EHMT2: variants seen among roughly 807,000 people sequenced by gnomAD.
EHMT2 encodes histone-lysine N-methyltransferase EHMT2.
Under a neutral mutation model 143.3 loss-of-function variants are expected in EHMT2, and 59 were observed. The ratio of observed to expected loss-of-function variants is 0.41; its 90% CI spans 0.33 to 0.51. EHMT2 has a LOEUF of 0.51. EHMT2 is among the 20% of genes least tolerant of loss of function. The pLI is 0.18. For missense variants in EHMT2, 1,174 were observed against 1,645.9 expected (o/e 0.71, Z 4.96); for synonymous variants, 604 against 651.5 (o/e 0.93, Z 1.11).
rs1581898192 is a variant in EHMT2 at position 31,884,665 on chromosome 6, C to T, written c.2583G>A (p.Glu861=). ...CTCACAGCACGCAGTCATGGTAGCTCTCCCGAGCTGCGATGTGCAGGGGGG... is the reference window on the plus strand; with the variant it reads ...CTCACAGCACGCAGTCATGGTAGCTTTCCCGAGCTGCGATGTGCAGGGGGG... The change falls in exon 20 of 28, where the codon GAG becomes GAA. Residue 861 remains glutamate, a synonymous_variant. Transcript: ENST00000375537. The surrounding 1 kb of genome is among the most constrained non-coding windows in gnomAD (Gnocchi z 7.3). The T allele has an allele frequency of 6.3e-7, 1 of 1,581,584 alleles. No homozygotes were observed. The highest frequency in any genetic ancestry group is 1.3e-5 in the African/African-American group (1 of 74,500).
At chr6:31,882,601 T>C in intron 25 of EHMT2, 98 bp downstream of exon 25, 1 of 1,193,660 alleles carries the variant, frequency 8.4e-7, no homozygotes, top group Non-Finnish European at 1.2e-6. Context: ...TGGAGACATG[T>C]GACTCATCAG....
At chr6:31,886,816 C>A (rs1163841562) in exon 17 of EHMT2, 1 of 1,614,268 alleles carries the variant, frequency 6.2e-7, no homozygotes, top group Non-Finnish European at 8.5e-7. Flanking sequence ...ATGTAACGGG[C>A]TACCTCCAGG....
chr6:31,892,873 T>C, exon 5 of EHMT2: 1 of 1,595,258 alleles, frequency 6.3e-7, no homozygotes, highest in Non-Finnish European at 8.5e-7. Flanking sequence ...CATGCGGAAA[T>C]GCTGTATTTC....
At chr6:31,890,032 G>A (rs1032586597) in intron 7 of EHMT2, among the ~76,000 whole-genome samples, 5 of 152,158 alleles carry the variant, frequency 3.3e-5, no homozygotes, top group Admixed American at 2.6e-4. Flanking sequence ...AAAATGACCA[G>A]ATTAGATGTT....
Position 31,889,606 on chromosome 6 carries a change from G to A in EHMT2, c.865-4C>T. On this transcript the variant is annotated splice_polypyrimidine_tract_variant and splice_region_variant and intron_variant, in intron 7 of 27. Coordinates refer to ENST00000375537, the Ensembl canonical transcript of EHMT2. This position sits in a 1 kb window ranked among gnomAD's most constrained non-coding sequence, Gnocchi z 5.1. ...CAGTTAGAGCTTCAACTTCAGACTG[G>A]GAGAGAGGCAGAACAGACATATCCA... 1 of 1,609,910 alleles carries A rather than the reference G, an allele frequency of 6.2e-7. No individual in the cohort carries two copies. The highest frequency in any genetic ancestry group is 8.5e-7 in the Non-Finnish European group (1 of 1,179,986).
chr6:31,880,881 C>T lies in EHMT2; in HGVS notation c.3277-33G>A. The T allele has an allele frequency of 6.2e-7, 1 of 1,611,926 alleles. No homozygotes were observed. The highest frequency in any genetic ancestry group is 8.5e-7 in the Non-Finnish European group (1 of 1,178,842). On this transcript the variant is annotated intron_variant, in intron 26 of 27. Transcript: ENST00000375537. The surrounding 1 kb of genome is among the most constrained non-coding windows in gnomAD (Gnocchi z 6.6). ...AGGGGGATGGCACTCTTCACATCTCCCCCGACCCTGCTTGCCCTCCCCACC... is the reference window on the plus strand; with the variant it reads ...AGGGGGATGGCACTCTTCACATCTCTCCCGACCCTGCTTGCCCTCCCCACC...
chr6:31,880,391 G>C lies in EHMT2; in HGVS notation c.3453-127C>G. ...AACCTATCTTCTCCAGATGGGATCTGAGCCCCTTGTATGTTCTATGGACTT... is the reference window on the plus strand; with the variant it reads ...AACCTATCTTCTCCAGATGGGATCTCAGCCCCTTGTATGTTCTATGGACTT... On this transcript the variant is annotated intron_variant, in intron 27 of 27. Coordinates refer to ENST00000375537, the Ensembl canonical transcript of EHMT2. This position sits in a 1 kb window ranked among gnomAD's most constrained non-coding sequence, Gnocchi z 6.6. The C allele has an allele frequency of 3.6e-6, 4 of 1,112,730 alleles. No individual in the cohort carries two copies. The highest frequency in any genetic ancestry group is 5.1e-6 in the Non-Finnish European group (4 of 788,818). 68.9% of individuals were successfully genotyped at this position (1,112,730 alleles called of 1,614,324 possible). A position where few individuals can be genotyped will look rare whatever the true frequency, so the allele number is the denominator to read the frequency against.
Position 31,884,274 on chromosome 6 carries a change from GGGGATTCAGT to G in EHMT2, c.2771+108_2771+117del. On this transcript the variant is annotated intron_variant, in intron 21 of 27. Coordinates refer to ENST00000375537, the Ensembl canonical transcript of EHMT2. The surrounding 1 kb of genome is among the most constrained non-coding windows in gnomAD (Gnocchi z 7.3). ...GGGGAGGGGGCCTGTGGGTGGTTCT[GGGGATTCAGT>G]GGTGCATGGGGAGGGGTTGGGGAAT... The G allele has an allele frequency of 8.0e-7, 1 of 1,251,920 alleles. No homozygotes were observed. Among genetic ancestry groups the G allele is most frequent in the Non-Finnish European group, 1.1e-6 (1 of 913,802 alleles). 77.6% of individuals were successfully genotyped at this position (1,251,920 alleles called of 1,614,324 possible).
rs113623382 is a variant in EHMT2, at chr6:31,884,291, T to G, written c.2771+101A>C. 8.8e-6 allele frequency: 11 copies of G among 1,257,062 alleles called. No individual in the cohort carries two copies. Among genetic ancestry groups the G allele is most frequent in the African/African-American group, 2.0e-5 (1 of 49,756 alleles). The allele number at this position is 1,257,062 out of a possible 1,614,324, so 77.9% of individuals were successfully genotyped here. A position where few individuals can be genotyped will look rare whatever the true frequency, so the allele number is the denominator to read the frequency against. On this transcript the variant is annotated intron_variant, in intron 21 of 27. Coordinates refer to ENST00000375537, the Ensembl canonical transcript of EHMT2. The surrounding 1 kb of genome is among the most constrained non-coding windows in gnomAD (Gnocchi z 7.3). ...GTGGTTCTGGGGATTCAGTGGTGCA[T>G]GGGGAGGGGTTGGGGAATGTTGTGA...
chr6:31,883,928 T>C lies in EHMT2; in HGVS notation c.2794A>G (p.Asn932Asp). The change falls in exon 22 of 28, where the codon AAC becomes GAC. Residue 932 changes from asparagine to aspartate, a missense_variant. Physicochemically the swap from Asn to Asp is conservative, Grantham distance 23 (BLOSUM62 1). Coordinates refer to ENST00000375537, the Ensembl canonical transcript of EHMT2. The surrounding 1 kb of genome is among the most constrained non-coding windows in gnomAD (Gnocchi z 5.6). Reference sequence around the variant, plus strand: ...CCGTTGACACAGGGAATGGGCACGTTCTCATAGCCCCGAGCCACGTCCCTG... The same window carrying C: ...CCGTTGACACAGGGAATGGGCACGTCCTCATAGCCCCGAGCCACGTCCCTG... 1.2e-6 allele frequency: 2 copies of C among 1,613,672 alleles called. 1 individual carries two copies. Among genetic ancestry groups the C allele is most frequent in the South Asian group, 2.2e-5 (2 of 91,064 alleles).
chr6:31,884,202 T>C lies in EHMT2; in HGVS notation c.2771+190A>G. 1 of 742,428 alleles carries C rather than the reference T, an allele frequency of 1.3e-6. No individual in the cohort carries two copies. The highest frequency in any genetic ancestry group is 2.1e-6 in the Non-Finnish European group (1 of 469,994). 46.0% of individuals were successfully genotyped at this position (742,428 alleles called of 1,614,324 possible). On this transcript the variant is annotated intron_variant, in intron 21 of 27. Coordinates refer to ENST00000375537, the Ensembl canonical transcript of EHMT2. The surrounding 1 kb of genome is among the most constrained non-coding windows in gnomAD (Gnocchi z 7.3). ...CATCTGTGCATCTGAAATTCCAGTT[T>C]AACTGGGTGTCTTCTATTTTTATTT...
Position 31,881,414 on chromosome 6 carries a change from G to A in EHMT2, c.3198-322C>T. 2.1e-6 allele frequency: 1 copy of A among 473,500 alleles called. No homozygotes were observed. The allele number at this position is 473,500 out of a possible 1,614,324, so 29.3% of individuals were successfully genotyped here. A position where few individuals can be genotyped will look rare whatever the true frequency, so the allele number is the denominator to read the frequency against. ...GTTCCAGGAGCCACCCGGCAGGAAT[G>A]GGCGATATGGAACAGGAGAGGGGCC... On this transcript the variant is annotated intron_variant, in intron 25 of 27. Transcript: ENST00000375537. The surrounding 1 kb of genome is among the most constrained non-coding windows in gnomAD (Gnocchi z 4.8).
chr6:31,895,315 G>A (rs1014665726), intron 4 of EHMT2: 1 of 151,918 alleles, frequency 6.6e-6, no homozygotes, highest in African/African-American at 2.4e-5. Context: ...AATGTAAACT[G>A]GTAAACAATT....
Position 31,884,344 on chromosome 6 carries a change from G to A in EHMT2, c.2771+48C>T. The A allele has an allele frequency of 6.4e-7, 1 of 1,572,776 alleles. No homozygotes were observed. Among genetic ancestry groups the A allele is most frequent in the East Asian group, 2.2e-5 (1 of 44,448 alleles). On this transcript the variant is annotated intron_variant, in intron 21 of 27. Coordinates refer to ENST00000375537, the Ensembl canonical transcript of EHMT2. This position sits in a 1 kb window ranked among gnomAD's most constrained non-coding sequence, Gnocchi z 7.3. ...ATGCAATGGAGCCTGGGGAGGGTATGGGTGGGGAGGAGGTGGTCTTGGGTG... is the reference window on the plus strand; with the variant it reads ...ATGCAATGGAGCCTGGGGAGGGTATAGGTGGGGAGGAGGTGGTCTTGGGTG...
At position 31,887,591 on chromosome 6, in the gene EHMT2, AC is replaced by A. The variant is rs1765042110; in HGVS notation, c.1996del (p.Val666Ter). ...GTGGCACTCACACAGCATCAGGATCACCTTCTGCAGCTCGCCCTGCTTCACG... is the reference window on the plus strand; with the variant it reads ...GTGGCACTCACACAGCATCAGGATCACTTCTGCAGCTCGCCCTGCTTCACG... On this transcript the variant is annotated frameshift_variant, in exon 15 of 28. Transcript: ENST00000375537. LOFTEE classifies it high-confidence loss of function. 6.2e-7 allele frequency: 1 copy of A among 1,612,888 alleles called. No homozygotes were observed. Among genetic ancestry groups the A allele is most frequent in the South Asian group, 1.1e-5 (1 of 91,084 alleles).
At chr6:31,892,646 C>G in intron 6 of EHMT2, 48 bp downstream of exon 6, 1 of 1,612,708 alleles carries the variant, frequency 6.2e-7, no homozygotes, top group Non-Finnish European at 8.5e-7. Context: ...CTCTGACCCT[C>G]CCTCAGAGCA....
chr6:31,892,339 G>A (rs1290847626), intron 7 of EHMT2, 68 bp downstream of exon 7: 3 of 1,529,458 alleles, frequency 2.0e-6, no homozygotes, highest in East Asian at 4.5e-5. Flanking sequence ...AGGGAACAAG[G>A]AGGACTGGAC....
Position 31,884,566 on chromosome 6 carries a change from AG to A in EHMT2, c.2604-8del. The A allele has an allele frequency of 6.2e-7, 1 of 1,612,368 alleles. No homozygotes were observed. The highest frequency in any genetic ancestry group is 1.1e-5 in the South Asian group (1 of 91,060). On this transcript the variant is annotated splice_region_variant and splice_polypyrimidine_tract_variant and intron_variant, in intron 20 of 27. Transcript: ENST00000375537. The surrounding 1 kb of genome is among the most constrained non-coding windows in gnomAD (Gnocchi z 7.3). ...CCCACGTGACAGGAATAACCTGAAG[AG>A]GGGACAGGATGCCCAATGCAGGGTC...
At position 31,884,639 on chromosome 6, in the gene EHMT2, G is replaced by A; in HGVS notation, c.2603+6C>T. The A allele has an allele frequency of 6.3e-7, 1 of 1,591,258 alleles. No homozygotes were observed. The highest frequency in any genetic ancestry group is 1.3e-5 in the African/African-American group (1 of 74,772). ...CAGGGGCATCAAGGGCGGGGCAGGG[G>A]CTCACAGCACGCAGTCATGGTAGCT... On this transcript the variant is annotated splice_donor_region_variant and intron_variant, in intron 20 of 27. Coordinates refer to ENST00000375537, the Ensembl canonical transcript of EHMT2. This position sits in a 1 kb window ranked among gnomAD's most constrained non-coding sequence, Gnocchi z 7.3.
Sources: allele counts gnomAD v4.1 joint callset (sites outside exome capture counted in the v4.1 genomes callset), GRCh38; gene constraint gnomAD v4.1.1; non-coding constraint Gnocchi (gnomAD v3.1); transcripts MANE v1.5; gene names NCBI Gene and HGNC (gene_info 2026-07-23, HGNC 2026-07-21).